Variants in LAMA2 observed in about 807,000 individuals in gnomAD.
LAMA2 encodes the protein laminin subunit alpha 2.
A neutral mutation model predicts 364.8 loss-of-function variants in LAMA2; 269 were observed. The observed-to-expected ratio is 0.74, with a 90% CI of 0.67 to 0.82. The LOEUF is 0.82. Ranked by LOEUF, LAMA2 falls within the 40% of genes least tolerant of loss-of-function variation. The pLI is 0.00. For missense variants in LAMA2, 3,807 were observed against 3,873.2 expected, an observed-to-expected ratio of 0.98 and a Z score of 0.45; for synonymous variants, 1,379 against 1,370.6, an observed-to-expected ratio of 1.01 and a Z score of -0.14.
Position 129,090,364 on chromosome 6 carries a change from AAAGG to A in LAMA2, c.397-7806_397-7803del, listed in dbSNP as rs1332320990. 1.4e-4 allele frequency among the ~76,000 whole-genome samples: 22 copies of A among 152,258 alleles called. No individual in the cohort carries two copies. In the South Asian group the frequency reaches 4.3e-3, roughly 30 times the overall value. On this transcript the variant is annotated intron_variant, in intron 3 of 64. Coordinates refer to ENST00000421865, the MANE Select transcript of LAMA2 (RefSeq NM_000426.4). Reference sequence around the variant, plus strand: ...TCTCTGAAGGATAAGACTCTTTTATAAAGGAAACCATTGTCACATCTAAAAATTA... The same window carrying A: ...TCTCTGAAGGATAAGACTCTTTTATAAAACCATTGTCACATCTAAAAATTA...
At chr6:129,372,071 A>G (rs1316146419) in intron 34 of LAMA2, among the ~76,000 whole-genome samples, 6 of 152,186 alleles carry the variant, frequency 3.9e-5, no homozygotes, top group Non-Finnish European at 7.3e-5. Flanking sequence ...GAGTGTTCTC[A>G]TATCTACTCC....
chr6:129,094,913 C>A (rs747063854), intron 3 of LAMA2, among the ~76,000 whole-genome samples: 25 of 152,126 alleles, frequency 1.6e-4, no homozygotes, highest in African/African-American at 5.3e-4. Flanking sequence ...ACTCCAGGAA[C>A]GTATGCCTTA....
At chr6:129,466,854 G>A (rs1045525460) in intron 51 of LAMA2, among the ~76,000 whole-genome samples, 1 of 151,844 alleles carries the variant, frequency 6.6e-6, no homozygotes, top group African/African-American at 2.4e-5. Context: ...GTGAGTTTCA[G>A]CTTTATCCTG....
chr6:129,316,211 G>A (rs1164244855), intron 27 of LAMA2, 40 bp downstream of exon 27: 7 of 1,527,940 alleles, frequency 4.6e-6, no homozygotes, highest in Non-Finnish European at 9.0e-7. Flanking sequence ...TTATTTTAGA[G>A]TCTGTAAGGA....
intron 1 of LAMA2, among the ~76,000 whole-genome samples, chr6:129,022,294 A>G (rs1785494888): frequency 6.6e-6 from 1 of 152,130 alleles, no homozygotes; most frequent in South Asian, 2.1e-4. Context: ...CTGAGATTCT[A>G]TTTTGTTTTA....
At chr6:128,929,633 A>G in intron 1 of LAMA2, 1 of 1,409,606 alleles carries the variant, frequency 7.1e-7, no homozygotes. Flanking sequence ...ACCTGCTCAA[A>G]TATGGAATAG....
chr6:129,244,273 A>G (rs1785590719), intron 12 of LAMA2, among the ~76,000 whole-genome samples: 1 of 152,106 alleles, frequency 6.6e-6, no homozygotes, highest in South Asian at 2.1e-4. Context: ...TTATACATAC[A>G]CTGAAGGAAA....
chr6:129,381,064 T>C (rs1377184277), intron 34 of LAMA2, among the ~76,000 whole-genome samples: 1 of 152,182 alleles, frequency 6.6e-6, no homozygotes, highest in Admixed American at 6.5e-5. Flanking sequence ...TGGTGTGAAA[T>C]TATGATCTTT....
Position 129,049,877 on chromosome 6 carries a change from T to G in LAMA2, c.113-41T>G, listed in dbSNP as rs772961570. On this transcript the variant is annotated intron_variant, in intron 1 of 64. Transcript: ENST00000421865. ...TTAAAATGTATCAAAATCCTAACTT[T>G]GTTTCTGGTCTACACACCTTCATTT... 4.4e-6 allele frequency: 7 copies of G among 1,574,496 alleles called. No individual in the cohort carries two copies. In the East Asian group the frequency reaches 1.1e-4, roughly 25 times the overall value.
At chr6:129,073,900 A>T (rs1368797067) in intron 3 of LAMA2, among the ~76,000 whole-genome samples, 1 of 152,168 alleles carries the variant, frequency 6.6e-6, no homozygotes, top group African/African-American at 2.4e-5. Flanking sequence ...TTTTTGATTA[A>T]ATAATGTATG....
intron 3 of LAMA2, among the ~76,000 whole-genome samples, chr6:129,086,923 G>C (rs1303561407): frequency 1.3e-5 from 2 of 152,130 alleles, no homozygotes; most frequent in Non-Finnish European, 2.9e-5. Context: ...CAGGCTACCT[G>C]CATCCTTTGG....
At chr6:129,233,824 T>A (rs1784821682) in intron 12 of LAMA2, among the ~76,000 whole-genome samples, 1 of 152,228 alleles carries the variant, frequency 6.6e-6, no homozygotes, top group South Asian at 2.1e-4. Flanking sequence ...AGAGATTTTA[T>A]GGTATTTGTC....
At chr6:129,139,751 C>T (rs1206217168) in intron 4 of LAMA2, among the ~76,000 whole-genome samples, 2 of 152,074 alleles carry the variant, frequency 1.3e-5, no homozygotes, top group African/African-American at 2.4e-5. Flanking sequence ...ATGTCTCAGC[C>T]ACTCATTTAC....
intron 29 of LAMA2, among the ~76,000 whole-genome samples, chr6:129,329,976 C>T (rs928413172): frequency 1.3e-5 from 2 of 151,984 alleles, no homozygotes; most frequent in African/African-American, 4.8e-5. Flanking sequence ...CATAGGAGCA[C>T]AAACCCTATT....
intron 28 of LAMA2, among the ~76,000 whole-genome samples, chr6:129,324,384 G>A (rs1206659814): frequency 1.3e-5 from 2 of 152,052 alleles, no homozygotes; most frequent in Non-Finnish European, 2.9e-5. Flanking sequence ...CAACATCATC[G>A]ACTATAATTT....
At chr6:128,899,314 T>C (rs1328990548) in intron 1 of LAMA2, among the ~76,000 whole-genome samples, 1 of 152,218 alleles carries the variant, frequency 6.6e-6, no homozygotes, top group African/African-American at 2.4e-5. Context: ...TATAATTAGT[T>C]AGAAGACCAA....
intron 47 of LAMA2, among the ~76,000 whole-genome samples, chr6:129,455,223 A>G (rs1312703348): frequency 9.2e-5 from 14 of 152,202 alleles, no homozygotes. Context: ...AGCCTGGGCA[A>G]CATAGCAAGA....
chr6:128,886,242 T>G (rs1251053498), intron 1 of LAMA2, among the ~76,000 whole-genome samples: 2 of 152,138 alleles, frequency 1.3e-5, no homozygotes, highest in Non-Finnish European at 2.9e-5. Context: ...TCTATAGCCT[T>G]GACCATGAAT....
chr6:129,171,066 G>T (rs1346489803), intron 9 of LAMA2, among the ~76,000 whole-genome samples: 1 of 151,940 alleles, frequency 6.6e-6, no homozygotes, highest in East Asian at 1.9e-4. Context: ...GCCTATGTGT[G>T]TCTCTGCACA....
Sources: gnomAD v4.1 joint callset for allele counts (sites outside exome capture counted in the v4.1 genomes callset) on GRCh38, gnomAD v4.1.1 for gene constraint, MANE v1.5 for transcripts, NCBI Gene and HGNC (gene_info 2026-07-23, HGNC 2026-07-21) for gene names.